Variants in MTRR observed in about 807,000 individuals in gnomAD.
MTRR encodes methionine synthase reductase.
A neutral mutation model predicts 79.2 loss-of-function variants in MTRR; 63 were observed. That is an observed-to-expected ratio of 0.80 (90% CI 0.65 to 0.98). The LOEUF is 0.98. Among genes scored for constraint, MTRR ranks in the 50% least tolerant of loss-of-function variants. MTRR has a pLI of 0.00. For synonymous variants in MTRR, 355 were observed against 313.3 expected (o/e 1.13, Z -1.41); for missense variants, 895 against 839.6 (o/e 1.07, Z -0.82).
chr5:7,897,094 G>A lies in MTRR; in HGVS notation c.1799G>A (p.Gly600Glu). The change falls in exon 14 of 15, where the codon GGG (glycine) becomes GAG (glutamate). Residue 600 changes from glycine to glutamate, a missense_variant. Transcript: ENST00000440940. ...GAGCTCAGACATTTCCTTAAGCATG[G>A]GATCTTAACTCATCTAAAGGTTTCC... ...RKELRHFLKHGILTHLKVSFS... is the reference protein window; with the variant it reads ...RKELRHFLKHEILTHLKVSFS... 6.2e-7 allele frequency: 1 copy of A among 1,613,968 alleles called. No homozygotes were observed. Among genetic ancestry groups the A allele is most frequent in the African/African-American group, 1.3e-5 (1 of 74,956 alleles).
At chr5:7,896,671 CCTAGTGTGGCATCTG>C in intron 12 of MTRR, 178 bp from the exon 13 acceptor site, 1 of 623,444 alleles carries the variant, frequency 1.6e-6, no homozygotes, top group Non-Finnish European at 2.9e-6. Flanking sequence ...CACACACTTG[CCTAGTGTGGCATCTG>C]CTCGAGTGGC....
intron 2 of MTRR, among the ~76,000 whole-genome samples, chr5:7,863,594 T>G (rs1361462008): frequency 6.6e-6 from 1 of 152,184 alleles, no homozygotes; most frequent in Non-Finnish European, 1.5e-5. Context: ...GTCCTGAGCA[T>G]TTTGGATAAG....
At chr5:7,876,573 T>G (rs1734598163) in intron 4 of MTRR, among the ~76,000 whole-genome samples, 1 of 152,224 alleles carries the variant, frequency 6.6e-6, no homozygotes, top group Non-Finnish European at 1.5e-5. Flanking sequence ...GAATTTTTCC[T>G]TTTTCTGAAA....
chr5:7,886,460 G>T, intron 7 of MTRR, 155 bp from the exon 8 acceptor site: 1 of 642,246 alleles, frequency 1.6e-6, no homozygotes, highest in Non-Finnish European at 2.8e-6. Flanking sequence ...TATTCATTTT[G>T]GGGAATTTTT....
In MTRR at chr5:7,871,075, C is replaced by G. The variant is rs7722483; in HGVS notation, c.129+152C>G. On this transcript the variant is annotated intron_variant, in intron 2 of 14. Transcript: ENST00000440940. ...TGTTCAATGGTATAGTAAGATATCA[C>G]CAGCATTTTTTTAATATAGAAGTGT... 16,158 of 948,736 alleles carry G rather than the reference C, an allele frequency of 0.017. 206 individuals are homozygous for G. Among genetic ancestry groups the G allele is most frequent in the Non-Finnish European group, 0.022 (13,483 of 606,772 alleles). The allele number at this position is 948,736 out of a possible 1,614,324, so 58.8% of individuals were successfully genotyped here.
upstream of MTRR, chr5:7,850,992 C>A: frequency 3.1e-6 from 4 of 1,290,648 alleles, no homozygotes; most frequent in Non-Finnish European, 3.9e-6. Context: ...GCAGCGTGGA[C>A]GCGGTGGTCT....
At chr5:7,859,922 C>A (rs1327038844) in intron 1 of MTRR, among the ~76,000 whole-genome samples, 2 of 151,958 alleles carry the variant, frequency 1.3e-5, no homozygotes, top group Non-Finnish European at 2.9e-5. Flanking sequence ...GGGATGCCGA[C>A]AAACTGCTGG....
intron 1 of MTRR, among the ~76,000 whole-genome samples, chr5:7,857,966 T>C: frequency 6.6e-6 from 1 of 152,224 alleles, no homozygotes; most frequent in East Asian, 1.9e-4. Flanking sequence ...TCGTGCTGTA[T>C]TTTTCTTCAT....
upstream of MTRR, chr5:7,868,885 A>C (rs1267733729): frequency 1.7e-6 from 1 of 574,486 alleles, no homozygotes; most frequent in Non-Finnish European, 3.1e-6. Flanking sequence ...CTGCGCTGAG[A>C]CACGGGCCGG....
At chr5:7,855,420 G>GGA (rs1553995700) in intron 1 of MTRR, among the ~76,000 whole-genome samples, 6 of 145,302 alleles carry the variant, frequency 4.1e-5, no homozygotes, top group African/African-American at 1.5e-4. Context: ...CATTCCAGTG[G>GGA]AAAAAAAAAA....
In MTRR at chr5:7,877,718, C is replaced by T. The variant is rs161869; in HGVS notation, c.402-226C>T. On this transcript the variant is annotated intron_variant, in intron 4 of 14. Coordinates refer to ENST00000440940, the MANE Select transcript of MTRR (RefSeq NM_002454.3). The stretch of plus-strand genomic sequence containing the variant: ...ATCTTCCTATCCCTCTTCATTTCTT[C>T]TACCTTTATACATACTCATGTTTTC... 0.49 allele frequency among the ~76,000 whole-genome samples: 73,740 copies of T among 151,806 alleles called. 18,648 individuals carry two copies. Among genetic ancestry groups the T allele is most frequent in the African/African-American group, 0.62 (25,573 of 41,382 alleles).
rs1216632556 is a variant in MTRR at position 7,870,902 on chromosome 5, C to T, written c.108C>T (p.His36=). ...AVVHGFSADL[H]CISESDKYDL... ...TACATGGATTTTCTGCAGATCTTCA[C>T]TGTATTAGTGAATCCGATAAGGTTA... Residue 36 remains histidine, a synonymous_variant, in exon 2 of 15, where the codon CAC becomes CAT. Transcript: ENST00000440940. 1.9e-6 allele frequency: 3 copies of T among 1,614,114 alleles called. No homozygotes were observed. The highest frequency in any genetic ancestry group is 1.1e-5 in the South Asian group (1 of 91,092).
rs758018238 is a variant in MTRR, at chr5:7,895,752, A to G, written c.1576A>G (p.Thr526Ala). 2 of 1,614,092 alleles carry G rather than the reference A, an allele frequency of 1.2e-6. No homozygotes were observed. Among genetic ancestry groups the G allele is most frequent in the South Asian group, 1.1e-5 (1 of 91,084 alleles). ...LAPKISISPR[T>A]TNSFHLPDDP... ...ATTTCAGATATCCATCTCTCCTCGA[A>G]CAACAAATTCTTTCCACTTACCAGA... Residue 526 changes from threonine to alanine, a missense_variant, in exon 12 of 15, where the codon ACA becomes GCA. Physicochemically the swap from Thr to Ala is moderately conservative, Grantham distance 58. Coordinates refer to ENST00000440940, the MANE Select transcript of MTRR (RefSeq NM_002454.3).
In MTRR at chr5:7,900,110, A is replaced by C. The variant is rs1445544356; in HGVS notation, c.*52A>C. The C allele has an allele frequency of 6.2e-7, 1 of 1,603,084 alleles. No individual in the cohort carries two copies. The highest frequency in any genetic ancestry group is 8.5e-7 in the Non-Finnish European group (1 of 1,175,618). On this transcript the variant is annotated 3_prime_UTR_variant, in exon 15 of 15. Transcript: ENST00000440940. ...AGCTTTTTTGACTGAAAGTACTAAA[A>C]GTCAGCTTTACTAGTGCCAAACCTT... is the stretch of plus-strand genomic sequence containing the variant.
At chr5:7,861,931 T>C in intron 1 of MTRR, 1 of 315,118 alleles carries the variant, frequency 3.2e-6, no homozygotes, top group Non-Finnish European at 5.4e-6. Context: ...ATGCATGCTT[T>C]CTCTTTCCCC....
intron 4 of MTRR, among the ~76,000 whole-genome samples, chr5:7,877,593 G>A (rs1265570056): frequency 6.6e-6 from 1 of 151,286 alleles, no homozygotes; most frequent in Non-Finnish European, 1.5e-5. Context: ...AGTTCTGTTA[G>A]CATTAGTATG....
chr5:7,864,693 T>C (rs1322856144), upstream of MTRR, among the ~76,000 whole-genome samples: 1 of 152,174 alleles, frequency 6.6e-6, no homozygotes, highest in African/African-American at 2.4e-5. Context: ...TATGATATCC[T>C]CTTTCATGTA....
chr5:7,854,462 A>G (rs1746169868), intron 1 of MTRR, among the ~76,000 whole-genome samples: 1 of 152,210 alleles, frequency 6.6e-6, no homozygotes, highest in Non-Finnish European at 1.5e-5. Context: ...AGACATACCC[A>G]AGACTGGGAT....
chr5:7,863,941 C>T (rs1746743362), intron 2 of MTRR, among the ~76,000 whole-genome samples: 1 of 152,144 alleles, frequency 6.6e-6, no homozygotes, highest in Non-Finnish European at 1.5e-5. Context: ...ACCTCCGCCT[C>T]CTGGGTTGAG....
Sources: allele counts gnomAD v4.1 joint callset (sites outside exome capture counted in the v4.1 genomes callset), GRCh38; gene constraint gnomAD v4.1.1; transcripts MANE v1.5; gene names NCBI Gene and HGNC (gene_info 2026-07-23, HGNC 2026-07-21).